The following CABLES1 variants were observed in gnomAD, a reference collection of about 807,000 sequenced individuals.
CABLES1 encodes Cdk5 and Abl enzyme substrate 1.
A neutral mutation model predicts 57.8 loss-of-function variants in CABLES1; 36 were observed. The ratio of observed to expected loss-of-function variants is 0.62; its 90% CI spans 0.48 to 0.82. CABLES1 has a LOEUF of 0.82. CABLES1 is among the 40% of genes least tolerant of loss of function. The probability of loss-of-function intolerance (pLI) is 0.00; values close to 1 mark genes in which losing one functional copy is unlikely to be tolerated. For synonymous variants in CABLES1, 374 were observed against 363.0 expected, an observed-to-expected ratio of 1.03 and a Z score of -0.35; for missense variants, 767 against 836.6, an observed-to-expected ratio of 0.92 and a Z score of 1.03.
At chr18:23,217,255 A>G (rs971778322) in intron 4 of CABLES1, among the ~76,000 whole-genome samples, 1 of 151,854 alleles carries the variant, frequency 6.6e-6, no homozygotes, top group African/African-American at 2.4e-5. Context: ...CTAATTTTTA[A>G]AATTTTTAGT....
chr18:23,172,912 T>A (rs1469177921), intron 1 of CABLES1, among the ~76,000 whole-genome samples: 1 of 152,248 alleles, frequency 6.6e-6, no homozygotes, highest in Non-Finnish European at 1.5e-5. Flanking sequence ...GGGTATTGTC[T>A]TCCCGTTTGG....
chr18:23,137,273 C>T (rs1186964770), intron 1 of CABLES1, among the ~76,000 whole-genome samples: 1 of 152,306 alleles, frequency 6.6e-6, no homozygotes, highest in East Asian at 1.9e-4. Context: ...GCTTGTTTTA[C>T]TTGTTTGTTA....
chr18:23,188,888 A>C lies in CABLES1; in HGVS notation c.896A>C (p.Glu299Ala). ...RSSLETLEDI[E>A]ENAPLRRCRT... ...TCCTTGGAGACCCTGGAAGATATTG[A>C]GGAGAACGCCCCTCTCCGGAGGTAA... Residue 299 changes from glutamate to alanine, a missense_variant, in exon 2 of 10, where the codon GAG becomes GCG. Around this residue, in one of 4 missense-constraint regions of CABLES1, gnomAD observed 529 missense variants for 622.8 expected, o/e 0.85. Coordinates refer to ENST00000256925, the MANE Select transcript of CABLES1 (RefSeq NM_001100619.3). The C allele has an allele frequency of 2.5e-6, 4 of 1,613,556 alleles. No individual in the cohort carries two copies. The highest frequency in any genetic ancestry group is 3.4e-6 in the Non-Finnish European group (4 of 1,179,504).
At chr18:23,181,223 C>T (rs555367903) in intron 1 of CABLES1, among the ~76,000 whole-genome samples, 1 of 152,094 alleles carries the variant, frequency 6.6e-6, no homozygotes, top group South Asian at 2.1e-4. Flanking sequence ...CGGTGTAATC[C>T]CAGCTCACGC....
intron 1 of CABLES1, among the ~76,000 whole-genome samples, chr18:23,175,341 G>A (rs952034999): frequency 6.6e-6 from 1 of 152,172 alleles, no homozygotes; most frequent in Non-Finnish European, 1.5e-5. Context: ...GCACTCTGCT[G>A]CTCAGAAGTT....
At chr18:23,146,739 T>C (rs1260439716) in intron 1 of CABLES1, among the ~76,000 whole-genome samples, 2 of 126,080 alleles carry the variant, frequency 1.6e-5, no homozygotes, top group Admixed American at 7.8e-5. Flanking sequence ...ATGTGGTAGC[T>C]GTTTTATGGA....
intron 1 of CABLES1, among the ~76,000 whole-genome samples, chr18:23,137,147 G>T (rs2046828452): frequency 6.6e-6 from 1 of 152,236 alleles, no homozygotes; most frequent in Non-Finnish European, 1.5e-5. Context: ...CTGAGCAATG[G>T]AAAGTCCTTC....
intron 3 of CABLES1, among the ~76,000 whole-genome samples, chr18:23,206,571 C>G (rs2047365029): frequency 6.6e-6 from 1 of 152,232 alleles, no homozygotes; most frequent in South Asian, 2.1e-4. Context: ...CTTATGTCCT[C>G]ATTGTTCCCA....
At chr18:23,183,023 G>A (rs569423110) in intron 1 of CABLES1, among the ~76,000 whole-genome samples, 4 of 152,316 alleles carry the variant, frequency 2.6e-5, no homozygotes, top group Admixed American at 6.5e-5. Context: ...CCTCAGAGTC[G>A]CTGCAAATCA....
chr18:23,134,579 A>G (rs1288856490), upstream of CABLES1: 1 of 152,196 alleles, frequency 6.6e-6, no homozygotes, highest in Admixed American at 6.5e-5. Context: ...TATGAGATAA[A>G]CGACAGGGTA....
intron 3 of CABLES1, among the ~76,000 whole-genome samples, chr18:23,207,791 G>A (rs186652633): frequency 6.6e-6 from 1 of 152,278 alleles, no homozygotes; most frequent in African/African-American, 2.4e-5. Flanking sequence ...TTAGCAGGTG[G>A]GGAGGCCTGC....
chr18:23,148,510 CA>C (rs1231564555), intron 1 of CABLES1, among the ~76,000 whole-genome samples: 1 of 152,230 alleles, frequency 6.6e-6, no homozygotes, highest in Non-Finnish European at 1.5e-5. Flanking sequence ...ATTGGGTCAG[CA>C]GGGACTTCTA....
In CABLES1 at chr18:23,257,586, G is replaced by A. The variant is rs571451521; in HGVS notation, c.*219G>A. On this transcript the variant is annotated 3_prime_UTR_variant, in exon 10 of 10. Transcript: ENST00000256925. The stretch of plus-strand genomic sequence containing the variant: ...GGACTCCTCAAGCACGGGAAGAGGA[G>A]GTGTGTGCTGAGAACAGAGAGGCCC... The A allele has an allele frequency of 3.8e-4, 185 of 486,690 alleles. No individual in the cohort carries two copies. The highest frequency in any genetic ancestry group is 2.6e-3 in the African/African-American group (129 of 49,852). The allele number at this position is 486,690 out of a possible 1,614,324, so 30.1% of individuals were successfully genotyped here.
intron 1 of CABLES1, among the ~76,000 whole-genome samples, chr18:23,145,611 A>G (rs531630611): frequency 1.1e-4 from 16 of 152,284 alleles, no homozygotes; most frequent in Non-Finnish European, 2.9e-5. Flanking sequence ...CAAACTTTTC[A>G]CAGATTCTGG....
chr18:23,234,557 C>CT (rs1430325510), intron 4 of CABLES1, 51 bp from the exon 5 acceptor site: 2 of 1,335,134 alleles, frequency 1.5e-6, no homozygotes, highest in Non-Finnish European at 2.1e-6. Context: ...CCTCATGGCT[C>CT]TTTGAGGTGC....
chr18:23,246,050 G>A (rs771034029), intron 7 of CABLES1, among the ~76,000 whole-genome samples: 9 of 152,216 alleles, frequency 5.9e-5, no homozygotes, highest in Admixed American at 1.3e-4. Context: ...GGCAGATCAC[G>A]AGGTCAGGAG....
intron 1 of CABLES1, among the ~76,000 whole-genome samples, chr18:23,163,448 C>A (rs1186358436): frequency 6.6e-6 from 1 of 152,036 alleles, no homozygotes; most frequent in Non-Finnish European, 1.5e-5. Flanking sequence ...TCTTCCGTAT[C>A]GAGAGGTTGA....
Position 23,150,476 on chromosome 18 carries a change from A to T in CABLES1, c.845+13869A>T, listed in dbSNP as rs555301545. Reference sequence around the variant, plus strand: ...CGTGATCCGCCCACCTCGGCCTCCCAAAGTGCTGGGATTACAGCCGTGAGC... The same window carrying T: ...CGTGATCCGCCCACCTCGGCCTCCCTAAGTGCTGGGATTACAGCCGTGAGC... On this transcript the variant is annotated intron_variant, in intron 1 of 9. Transcript: ENST00000256925. 5.3e-5 allele frequency among the ~76,000 whole-genome samples: 8 copies of T among 152,114 alleles called. No homozygotes were observed. The East Asian group carries it at 1.6e-3, about 29-fold the overall frequency.
At chr18:23,143,509 C>G (rs562716454) in intron 1 of CABLES1, among the ~76,000 whole-genome samples, 3 of 152,354 alleles carry the variant, frequency 2.0e-5, no homozygotes, top group African/African-American at 7.2e-5. Flanking sequence ...ATCACCCTTT[C>G]CCCAACTGCC....
Sources: allele counts gnomAD v4.1 joint callset (sites outside exome capture counted in the v4.1 genomes callset), GRCh38; gene constraint gnomAD v4.1.1; regional missense constraint gnomAD v4.1.1; transcripts MANE v1.5; gene names NCBI Gene and HGNC (gene_info 2026-07-23, HGNC 2026-07-21).